CSGALNACT1: variants seen among roughly 807,000 people sequenced by gnomAD.
CSGALNACT1 encodes the protein chondroitin sulfate N-acetylgalactosaminyltransferase 1.
Under a neutral mutation model 51.0 loss-of-function variants are expected in CSGALNACT1, and 52 were observed. The observed-to-expected ratio is 1.02, with a 90% CI of 0.82 to 1.29. CSGALNACT1 has a LOEUF of 1.29. Among genes scored for constraint, CSGALNACT1 ranks in the 50% most tolerant of loss-of-function variants. The pLI is 0.00. For missense variants in CSGALNACT1, 935 were observed against 679.2 expected (o/e 1.38, Z -4.19); for synonymous variants, 341 against 254.4 (o/e 1.34, Z -3.24).
chr8:19,624,732 G>A (rs1057026148), intron 1 of CSGALNACT1, among the ~76,000 whole-genome samples: 2 of 151,410 alleles, frequency 1.3e-5, no homozygotes, highest in African/African-American at 4.9e-5. Flanking sequence ...AGGCTGGAGT[G>A]CAGTGGCGAG....
chr8:19,728,053 G>A (rs2063497632), intron 1 of CSGALNACT1, among the ~76,000 whole-genome samples: 1 of 152,142 alleles, frequency 6.6e-6, no homozygotes. Flanking sequence ...TAATGATTAA[G>A]AACCCACACT....
At chr8:19,458,024 C>G (rs1277274452) in intron 5 of CSGALNACT1, among the ~76,000 whole-genome samples, 2 of 152,192 alleles carry the variant, frequency 1.3e-5, no homozygotes, top group African/African-American at 4.8e-5. Flanking sequence ...CATAGCTCGC[C>G]AACTGTCAAC....
chr8:19,458,709 C>A (rs189481573), intron 4 of CSGALNACT1, 67 bp from the exon 4 acceptor site: 3 of 1,420,124 alleles, frequency 2.1e-6, no homozygotes, highest in Non-Finnish European at 3.0e-6. Context: ...GTTTTTCAAC[C>A]GAGATCTAGC....
intron 3 of CSGALNACT1, among the ~76,000 whole-genome samples, chr8:19,576,120 G>C (rs1323324817): frequency 2.0e-5 from 3 of 152,112 alleles, no homozygotes; most frequent in Admixed American, 6.6e-5. Flanking sequence ...TCTGATGATA[G>C]AGCCCAGAGA....
chr8:19,494,797 T>C (rs1237637017), intron 4 of CSGALNACT1, among the ~76,000 whole-genome samples: 1 of 148,800 alleles, frequency 6.7e-6, no homozygotes, highest in Non-Finnish European at 1.5e-5. Flanking sequence ...GCATTTTCCA[T>C]AGCATTGAGA....
chr8:19,420,587 T>C, intron 6 of CSGALNACT1, 69 bp from the exon 6 acceptor site: 2 of 1,486,874 alleles, frequency 1.3e-6, no homozygotes, highest in Admixed American at 1.7e-5. Context: ...AGAAAATATG[T>C]AATCAGGGCC....
chr8:19,463,158 T>C (rs2065924689), intron 4 of CSGALNACT1, among the ~76,000 whole-genome samples: 1 of 152,192 alleles, frequency 6.6e-6, no homozygotes, highest in African/African-American at 2.4e-5. Flanking sequence ...ATTTCATTCT[T>C]TTTTTCATGG....
intron 1 of CSGALNACT1, among the ~76,000 whole-genome samples, chr8:19,652,547 T>C (rs571591712): frequency 1.2e-4 from 19 of 152,272 alleles, no homozygotes; most frequent in African/African-American, 3.9e-4. Flanking sequence ...CTCTCTGGTA[T>C]TGTCAGCCTT....
chr8:19,670,169 G>A (rs2059681789), intron 1 of CSGALNACT1, among the ~76,000 whole-genome samples: 1 of 151,908 alleles, frequency 6.6e-6, no homozygotes, highest in Admixed American at 6.6e-5. Context: ...CTCATCCTGG[G>A]CACTGTTTTT....
chr8:19,577,934 T>A (rs2044651468), intron 3 of CSGALNACT1, among the ~76,000 whole-genome samples: 1 of 152,136 alleles, frequency 6.6e-6, no homozygotes, highest in Non-Finnish European at 1.5e-5. Context: ...CTGCCACAGT[T>A]AATTCAAAAG....
chr8:19,509,198 A>C (rs1026127839), intron 3 of CSGALNACT1, among the ~76,000 whole-genome samples: 3 of 152,214 alleles, frequency 2.0e-5, no homozygotes, highest in Non-Finnish European at 4.4e-5. Context: ...CAAACGCTTA[A>C]AAACTGGTTA....
chr8:19,701,128 G>GA (rs1482537306), intron 1 of CSGALNACT1, among the ~76,000 whole-genome samples: 1 of 132,872 alleles, frequency 7.5e-6, no homozygotes, highest in African/African-American at 2.8e-5. Flanking sequence ...AGGAGACCAA[G>GA]AAAATTTCAG....
chr8:19,757,322 C>G lies in CSGALNACT1; in HGVS notation c.-297+528G>C, dbSNP rs1589852053. 1 of 150,774 alleles carries G rather than the reference C, an allele frequency of 6.6e-6. No individual in the cohort carries two copies. The highest frequency in any genetic ancestry group is 3.4e-3 in the Middle Eastern group (1 of 294). 9.3% of individuals were successfully genotyped at this position (150,774 alleles called of 1,614,324 possible). ...GCGGAGCCTCCAGGGACCCCGGGGG[C>G]GGGGAGCAGCGGCGGCGGCGGCGGC... is the stretch of plus-strand genomic sequence containing the variant. On this transcript the variant is annotated intron_variant, in intron 1 of 1. Coordinates refer to the CSGALNACT1 transcript ENST00000517494. The surrounding 1 kb of genome is among the most constrained non-coding windows in gnomAD (Gnocchi z 4.0).
intron 4 of CSGALNACT1, among the ~76,000 whole-genome samples, chr8:19,472,473 T>C (rs2068421904): frequency 2.0e-5 from 3 of 152,218 alleles, no homozygotes; most frequent in Non-Finnish European, 2.9e-5. Flanking sequence ...TTTCAAACCC[T>C]GTTCACAAAT....
chr8:19,416,527 T>G (rs2056916416), intron 8 of CSGALNACT1, among the ~76,000 whole-genome samples: 1 of 152,168 alleles, frequency 6.6e-6, no homozygotes, highest in Non-Finnish European at 1.5e-5. Context: ...ATCCACTCAT[T>G]TACTCACCCA....
intron 5 of CSGALNACT1, among the ~76,000 whole-genome samples, chr8:19,449,635 T>A (rs1586263644): frequency 1.3e-5 from 2 of 152,228 alleles, no homozygotes; most frequent in East Asian, 3.9e-4. Context: ...CTATAGAAAA[T>A]TCAAGTACAA....
chr8:19,488,985 G>A (rs984079396), intron 4 of CSGALNACT1, among the ~76,000 whole-genome samples: 8 of 152,048 alleles, frequency 5.3e-5, no homozygotes, highest in South Asian at 2.1e-4. Context: ...ATTATTATGC[G>A]CAAATAAGTC....
exon 4 of CSGALNACT1, chr8:19,505,296 A>C (rs756024369): frequency 1.2e-6 from 2 of 1,614,138 alleles, no homozygotes; most frequent in South Asian, 1.1e-5. Context: ...GGCTTCCACC[A>C]ACTCATCCCG....
chr8:19,735,960 A>G (rs576435154), intron 1 of CSGALNACT1, among the ~76,000 whole-genome samples: 5 of 152,348 alleles, frequency 3.3e-5, no homozygotes, highest in African/African-American at 1.2e-4. Context: ...AATGTGTTTT[A>G]TCAATTTTCA....
Sources: allele counts gnomAD v4.1 joint callset (sites outside exome capture counted in the v4.1 genomes callset), GRCh38; gene constraint gnomAD v4.1.1; non-coding constraint Gnocchi (gnomAD v3.1); transcripts MANE v1.5; gene names NCBI Gene and HGNC (gene_info 2026-07-23, HGNC 2026-07-21).